Variants in COL11A1 observed in about 807,000 individuals in gnomAD.
COL11A1 encodes collagen type XI alpha 1 chain.
Under a neutral mutation model 265.2 loss-of-function variants are expected in COL11A1, and 74 were observed. The ratio of observed to expected loss-of-function variants is 0.28; its 90% CI spans 0.23 to 0.34. The LOEUF (loss-of-function observed/expected upper bound fraction) is 0.34, where lower values mean the gene tolerates loss of function less well. COL11A1 is among the 10% of genes least tolerant of loss of function. The pLI is 1.00. For missense variants in COL11A1, 2,165 were observed against 2,263.6 expected, an observed-to-expected ratio of 0.96 and a Z score of 0.88; for synonymous variants, 816 against 727.6, an observed-to-expected ratio of 1.12 and a Z score of -1.96.
chr1:102,946,969 A>T lies in COL11A1; in HGVS notation c.3169-13T>A, dbSNP rs182777459. 2.9e-5 allele frequency: 46 copies of T among 1,600,028 alleles called. No homozygotes were observed. In the African/African-American group the frequency reaches 6.1e-4, roughly 21 times the overall value. ...CTCCTGGTGAGCCCTAGTATACAGG[A>T]AAAGAAGTATTTTGTTATTAAAGAA... On this transcript the variant is annotated splice_polypyrimidine_tract_variant and intron_variant, in intron 41 of 66. Transcript: ENST00000370096.
intron 4 of COL11A1, among the ~76,000 whole-genome samples, chr1:103,065,101 T>C (rs1470566651): frequency 6.6e-6 from 1 of 152,178 alleles, no homozygotes; most frequent in Non-Finnish European, 1.5e-5. Flanking sequence ...CCTACTCTCA[T>C]ATGGGATATT....
intron 1 of COL11A1, among the ~76,000 whole-genome samples, chr1:103,089,160 C>T (rs912328360): frequency 1.3e-5 from 2 of 152,136 alleles, no homozygotes; most frequent in African/African-American, 4.8e-5. Context: ...CTGGAACCCA[C>T]CCCAGAACTA....
In COL11A1 at chr1:103,108,155, C is replaced by T; in HGVS notation, c.24G>A (p.Trp8Ter). Residue 8 changes from tryptophan (W) to a stop codon, truncating the protein, a stop_gained, in exon 1 of 67, where the codon TGG becomes TGA. Coordinates refer to ENST00000370096, the MANE Select transcript of COL11A1 (RefSeq NM_001854.4). LOFTEE classifies it high-confidence loss of function. Reference protein sequence around the residue: MEPWSSRWKTKRWLWDFT... With the variant: MEPWSSR ...AATCCCAGAGCCACCGTTTCGTTTT[C>T]CACCTAGAGGACCACGGCTCCATCT... 6.2e-7 allele frequency: 1 copy of T among 1,613,870 alleles called. No homozygotes were observed. Among genetic ancestry groups the T allele is most frequent in the Non-Finnish European group, 8.5e-7 (1 of 1,179,978 alleles).
rs527881637 is a variant in COL11A1, at chr1:103,017,360, G to C, written c.1413+460C>G. ...AGTTATTGGCTACTCAAGGATGTGG[G>C]GAAAAAAGGGAAGGTTATTTTATGA... On this transcript the variant is annotated intron_variant, in intron 11 of 66. Coordinates refer to ENST00000370096, the MANE Select transcript of COL11A1 (RefSeq NM_001854.4). 2.6e-5 allele frequency among the ~76,000 whole-genome samples: 4 copies of C among 152,122 alleles called. No homozygotes were observed. In the East Asian group the frequency reaches 5.8e-4, roughly 22 times the overall value.
chr1:103,019,669 T>C (rs1371558284), intron 9 of COL11A1, among the ~76,000 whole-genome samples: 1 of 151,758 alleles, frequency 6.6e-6, no homozygotes, highest in Admixed American at 6.6e-5. Context: ...ACATGTGCCA[T>C]GTTGGTGTGC....
intron 13 of COL11A1, among the ~76,000 whole-genome samples, chr1:103,014,069 AT>A (rs1666355057): frequency 6.6e-6 from 1 of 152,040 alleles, no homozygotes; most frequent in Non-Finnish European, 1.5e-5. Context: ...AAAAAATTTA[AT>A]TTTCTGTGTT....
At chr1:102,997,156 T>C (rs1027425268) in intron 25 of COL11A1, 32 bp from the exon 26 acceptor site, 2 of 1,547,506 alleles carry the variant, frequency 1.3e-6, no homozygotes, top group African/African-American at 2.7e-5. Context: ...ACTGATAAGA[T>C]GTAATATAAA....
chr1:102,972,517 T>C (rs932344676), intron 36 of COL11A1, among the ~76,000 whole-genome samples: 8 of 152,156 alleles, frequency 5.3e-5, no homozygotes, highest in African/African-American at 1.9e-4. Flanking sequence ...GATTTAAGTA[T>C]GTACTTCTAA....
intron 5 of COL11A1, among the ~76,000 whole-genome samples, chr1:103,028,197 A>G (rs1191277400): frequency 6.6e-6 from 1 of 151,988 alleles, no homozygotes; most frequent in South Asian, 2.1e-4. Context: ...TGCCCGGCTA[A>G]TTTTTTAAAC....
At chr1:103,053,157 G>C (rs1669964295) in intron 4 of COL11A1, among the ~76,000 whole-genome samples, 1 of 152,046 alleles carries the variant, frequency 6.6e-6, no homozygotes, top group Admixed American at 6.6e-5. Flanking sequence ...AATTAAACAG[G>C]GCAATGCCCC....
intron 21 of COL11A1, 109 bp downstream of exon 21, chr1:103,003,106 C>T (rs2101834946): frequency 1.8e-6 from 2 of 1,088,306 alleles, no homozygotes; most frequent in East Asian, 2.5e-5. Context: ...GATCTTCAAA[C>T]ATAACAAGGC....
intron 31 of COL11A1, chr1:102,979,659 C>A (rs1317750223): frequency 6.5e-6 from 4 of 614,022 alleles, no homozygotes; most frequent in South Asian, 1.7e-5. Flanking sequence ...TAGTTTTTAA[C>A]CTTCTGAGTA....
At position 103,074,772 on chromosome 1, in the gene COL11A1, C is replaced by A. The variant is rs142753283; in HGVS notation, c.497G>T (p.Arg166Leu). 15 of 1,613,056 alleles carry A rather than the reference C, an allele frequency of 9.3e-6. No homozygotes were observed. Among genetic ancestry groups the A allele is most frequent in the South Asian group, 4.4e-5 (4 of 91,068 alleles). ...TVNIADGKWH[R>L]VAISVEKKTV... ...TTTCTTCTCCACGCTGATTGCTACC[C>A]GATGCCACCTAAAAAAGACAAGTAA... The change falls in exon 4 of 67, where the codon CGG becomes CTG. Residue 166 changes from arginine (R) to leucine (L), a missense_variant. Transcript: ENST00000370096.
intron 4 of COL11A1, among the ~76,000 whole-genome samples, chr1:103,039,295 T>G (rs1014804379): frequency 6.6e-6 from 1 of 152,152 alleles, no homozygotes; most frequent in Non-Finnish European, 1.5e-5. Context: ...ATACCTATTT[T>G]TTTCATTGTT....
At chr1:103,008,348 C>T (rs1665814710) in intron 15 of COL11A1, 115 bp downstream of exon 15, 3 of 785,312 alleles carry the variant, frequency 3.8e-6, no homozygotes, top group African/African-American at 3.5e-5. Flanking sequence ...CCTCATACAT[C>T]AATGGAATAC....
intron 4 of COL11A1, among the ~76,000 whole-genome samples, chr1:103,051,152 G>T (rs1004287294): frequency 9.2e-5 from 14 of 152,232 alleles, no homozygotes; most frequent in African/African-American, 3.4e-4. Context: ...ATTTAAGTCT[G>T]CAGAGGTTAC....
chr1:103,059,885 C>A (rs1670530957), intron 4 of COL11A1, among the ~76,000 whole-genome samples: 1 of 151,686 alleles, frequency 6.6e-6, no homozygotes. Context: ...TTTGGGACAA[C>A]AACAAAATAT....
chr1:102,924,064 A>T (rs2101092107), intron 46 of COL11A1, among the ~76,000 whole-genome samples: 1 of 151,326 alleles, frequency 6.6e-6, no homozygotes, highest in South Asian at 2.1e-4. Context: ...AAAAAAAAAA[A>T]AAAAAAATTA....
chr1:103,002,357 G>T, intron 23 of COL11A1, 71 bp downstream of exon 23: 1 of 1,277,280 alleles, frequency 7.8e-7, no homozygotes, highest in Non-Finnish European at 1.1e-6. Flanking sequence ...TTGTGAGACT[G>T]TCGATTTTCT....
Sources: gnomAD v4.1 joint callset for allele counts (sites outside exome capture counted in the v4.1 genomes callset) on GRCh38, gnomAD v4.1.1 for gene constraint, MANE v1.5 for transcripts, NCBI Gene and HGNC (gene_info 2026-07-23, HGNC 2026-07-21) for gene names.